BPIFB1: variants seen among roughly 807,000 people sequenced by gnomAD.
The protein encoded by BPIFB1 is BPI fold-containing family B member 1.
BPIFB1 carries 34 observed loss-of-function variants against 55.1 expected under a neutral mutation model. That is an observed-to-expected ratio of 0.62 (90% CI 0.47 to 0.82). BPIFB1 has a LOEUF of 0.82. Ranked by LOEUF, BPIFB1 falls within the 40% of genes least tolerant of loss-of-function variation. The pLI is 0.00. For synonymous variants in BPIFB1, 236 were observed against 245.3 expected, an observed-to-expected ratio of 0.96 and a Z score of 0.35; for missense variants, 532 against 593.1, an observed-to-expected ratio of 0.90 and a Z score of 1.07.
chr20:33,291,581 A>C (rs987835395), intron 5 of BPIFB1, among the ~76,000 whole-genome samples: 1 of 152,264 alleles, frequency 6.6e-6, no homozygotes, highest in East Asian at 1.9e-4. Context: ...TCAAGCACTC[A>C]GAACAGTGCA....
At chr20:33,304,989 C>A in intron 13 of BPIFB1, 98 bp downstream of exon 13, 1 of 1,383,180 alleles carries the variant, frequency 7.2e-7, no homozygotes, top group South Asian at 1.2e-5. Context: ...AAACAAGGTC[C>A]CCACAGAAGC....
At position 33,291,814 on chromosome 20, in the gene BPIFB1, TC is replaced by T. The variant is rs1980481572; in HGVS notation, c.516-90del. 1.3e-5 allele frequency: 15 copies of T among 1,198,056 alleles called. No homozygotes were observed. In the South Asian group the frequency reaches 1.9e-4, roughly 15 times the overall value. The allele number at this position is 1,198,056 out of a possible 1,614,324, so 74.2% of individuals were successfully genotyped here. On this transcript the variant is annotated intron_variant, in intron 5 of 15. Coordinates refer to ENST00000253354, the MANE Select transcript of BPIFB1 (RefSeq NM_033197.3). ...CTGTGACCTTGGGCAGGTTCCTTCC[TC>T]CCTTAGACTCAGCCTCCCCCTCTGT...
chr20:33,304,987 T>TC (rs1980976727), intron 13 of BPIFB1, 96 bp downstream of exon 13: 3 of 1,417,908 alleles, frequency 2.1e-6, no homozygotes, highest in Non-Finnish European at 3.0e-6. Context: ...TCAAACAAGG[T>TC]CCCCACAGAA....
chr20:33,302,528 C>A, intron 10 of BPIFB1, 116 bp downstream of exon 10: 1 of 1,139,100 alleles, frequency 8.8e-7, no homozygotes, highest in Middle Eastern at 1.9e-4. Context: ...GACACTCAAA[C>A]CGCATCCCTG....
chr20:33,304,789 T>A, intron 12 of BPIFB1, 57 bp from the exon 13 acceptor site: 1 of 1,602,518 alleles, frequency 6.2e-7, no homozygotes, highest in Admixed American at 1.7e-5. Context: ...GTTGAATGAG[T>A]GGATGGTGAA....
intron 6 of BPIFB1, among the ~76,000 whole-genome samples, chr20:33,293,820 A>G (rs1455603861): frequency 1.3e-5 from 2 of 152,120 alleles, no homozygotes; most frequent in Non-Finnish European, 2.9e-5. Flanking sequence ...CAGCCTAGGC[A>G]TGACGGCAAG....
At chr20:33,290,813 G>GGGT in intron 4 of BPIFB1, 144 bp from the exon 5 acceptor site, 2 of 847,930 alleles carry the variant, frequency 2.4e-6, no homozygotes, top group South Asian at 3.5e-5. Flanking sequence ...GGGACATGCT[G>GGGT]GGGTGAAGTT....
intron 13 of BPIFB1, among the ~76,000 whole-genome samples, chr20:33,305,365 T>A (rs1469619676): frequency 7.0e-6 from 1 of 143,174 alleles, no homozygotes; most frequent in Non-Finnish European, 1.5e-5. Context: ...TCGCCCAGGC[T>A]GGAGAGCAGT....
At chr20:33,286,317 A>G in intron 2 of BPIFB1, 129 bp downstream of exon 2, 1 of 771,066 alleles carries the variant, frequency 1.3e-6, no homozygotes, top group Non-Finnish European at 2.2e-6. Flanking sequence ...GTGGGTGAAC[A>G]TGAGTGGGAG....
intron 13 of BPIFB1, 99 bp from the exon 14 acceptor site, chr20:33,305,903 G>A: frequency 1.5e-6 from 2 of 1,317,224 alleles, no homozygotes; most frequent in South Asian, 1.2e-5. Flanking sequence ...ATCTCCACCA[G>A]CCACCTCACC....
At chr20:33,305,921 A>G in intron 13 of BPIFB1, 81 bp from the exon 14 acceptor site, 1 of 1,476,356 alleles carries the variant, frequency 6.8e-7, no homozygotes, top group Non-Finnish European at 9.5e-7. Flanking sequence ...ACCCATGGGG[A>G]GGAGCCACAC....
At chr20:33,286,328 G>T in intron 2 of BPIFB1, 140 bp downstream of exon 2, 1 of 712,740 alleles carries the variant, frequency 1.4e-6, no homozygotes, top group Non-Finnish European at 2.4e-6. Flanking sequence ...TGAGTGGGAG[G>T]TTGTAAAGGT....
intron 12 of BPIFB1, among the ~76,000 whole-genome samples, chr20:33,304,253 G>A (rs1163613785): frequency 1.3e-5 from 2 of 152,152 alleles, no homozygotes; most frequent in Admixed American, 6.5e-5. Flanking sequence ...CCTAGCCGCG[G>A]CCAGCCCACT....
chr20:33,308,810 TACAC>T (rs1981133162), intron 15 of BPIFB1, among the ~76,000 whole-genome samples: 2 of 134,050 alleles, frequency 1.5e-5, no homozygotes, highest in African/African-American at 5.8e-5. Flanking sequence ...ACCACACACA[TACAC>T]ACTACACACA....
At chr20:33,287,797 G>A (rs1240565967) in intron 2 of BPIFB1, among the ~76,000 whole-genome samples, 1 of 152,132 alleles carries the variant, frequency 6.6e-6, no homozygotes, top group Non-Finnish European at 1.5e-5. Context: ...AGCTAGCCAG[G>A]GTGCCTGCAG....
rs569005325 is a variant in BPIFB1, at chr20:33,302,929, T to G, written c.995T>G (p.Leu332Arg). 4.3e-6 allele frequency: 7 copies of G among 1,614,070 alleles called. No homozygotes were observed. The highest frequency in any genetic ancestry group is 3.3e-5 in the Admixed American group (2 of 60,018). ...ATCTCCTTCCAGGCTGCAGATAAGC[T>G]GGGATCTACCCAGATCGTGAAGATC... is the stretch of plus-strand genomic sequence containing the variant. ...GLINEKAADK[L>R]GSTQIVKILT... The change falls in exon 11 of 16, where the codon CTG (leucine) becomes CGG (arginine). Residue 332 changes from leucine to arginine, a missense_variant. Leu to Arg is a moderately radical substitution (Grantham distance 102). Coordinates refer to ENST00000253354, the MANE Select transcript of BPIFB1 (RefSeq NM_033197.3).
At chr20:33,298,472 C>T (rs569353394) in intron 7 of BPIFB1, among the ~76,000 whole-genome samples, 19 of 152,344 alleles carry the variant, frequency 1.2e-4, no homozygotes, top group African/African-American at 4.6e-4. Context: ...ATTCCAAGGG[C>T]GACCAGAGAG....
chr20:33,290,233 G>C (rs916717245), intron 4 of BPIFB1, among the ~76,000 whole-genome samples: 5 of 152,224 alleles, frequency 3.3e-5, no homozygotes, highest in African/African-American at 1.2e-4. Context: ...ATCATACAAG[G>C]CCTCTTGGGA....
In BPIFB1 at chr20:33,309,835, C is replaced by T. The variant is rs1981173787; in HGVS notation, c.*68C>T. On this transcript the variant is annotated 3_prime_UTR_variant, in exon 16 of 16. Transcript: ENST00000253354. This position sits in a 1 kb window ranked among gnomAD's most constrained non-coding sequence, Gnocchi z 4.4. ...GGAGTATGGGTGTGAGCTCTATAGA[C>T]CATCCCTCTCTGCAATCAATAAACA... 2.2e-6 allele frequency: 3 copies of T among 1,373,552 alleles called. No homozygotes were observed. Among genetic ancestry groups the T allele is most frequent in the Admixed American group, 3.4e-5 (2 of 58,742 alleles). The allele number at this position is 1,373,552 out of a possible 1,614,324, so 85.1% of individuals were successfully genotyped here. A position where few individuals can be genotyped will look rare whatever the true frequency, so the allele number is the denominator to read the frequency against.
Sources: allele counts gnomAD v4.1 joint callset (sites outside exome capture counted in the v4.1 genomes callset), GRCh38; gene constraint gnomAD v4.1.1; non-coding constraint Gnocchi (gnomAD v3.1); transcripts MANE v1.5; gene names NCBI Gene and HGNC (gene_info 2026-07-23, HGNC 2026-07-21).